EPS8: variants seen among roughly 807,000 people sequenced by gnomAD.
EPS8 encodes the protein EGFR pathway substrate 8, signaling adaptor.
A neutral mutation model predicts 103.8 loss-of-function variants in EPS8; 42 were observed. The observed-to-expected ratio is 0.40, with a 90% confidence interval of 0.32 to 0.52. The LOEUF (loss-of-function observed/expected upper bound fraction) is 0.52. EPS8 is among the 20% of genes least tolerant of loss of function. The pLI is 0.40. For missense variants in EPS8, 969 were observed against 1,005.1 expected (o/e 0.96, Z 0.49); for synonymous variants, 344 against 344.6 (o/e 1.00, Z 0.02).
At chr12:15,676,975 C>T (rs1263343933) in intron 3 of EPS8, among the ~76,000 whole-genome samples, 1 of 152,050 alleles carries the variant, frequency 6.6e-6, no homozygotes, top group African/African-American at 2.4e-5. Flanking sequence ...TACAATTATA[C>T]CACTTATAAA....
rs1377402640 is a variant in EPS8 at position 15,748,811 on chromosome 12, C to G, written c.-22+40350G>C. Among the ~76,000 whole-genome samples, 1 of 152,110 alleles carries G rather than the reference C, an allele frequency of 6.6e-6. No individual in the cohort carries two copies. The highest frequency in any genetic ancestry group is 1.5e-5 in the Non-Finnish European group (1 of 68,000). ...TATCCTCCTGAAAGGGCGAAAACAT[C>G]CATTGCCTAGCCCCGCCTCACCAAA... On this transcript the variant is annotated intron_variant, in intron 1 of 20. Transcript: ENST00000281172. This position sits in a 1 kb window ranked among gnomAD's most constrained non-coding sequence, Gnocchi z 4.8.
At chr12:15,782,210 G>A (rs777265381) in intron 1 of EPS8, 2 of 151,880 alleles carry the variant, frequency 1.3e-5, no homozygotes, top group Non-Finnish European at 2.9e-5. Flanking sequence ...AAAAACACTC[G>A]GGCTGGGTGT....
intron 1 of EPS8, among the ~76,000 whole-genome samples, chr12:15,730,052 G>C (rs1006617258): frequency 6.6e-6 from 1 of 152,142 alleles, no homozygotes; most frequent in Non-Finnish European, 1.5e-5. Context: ...AAATTCACCT[G>C]TGTAGCTTCT....
Position 15,700,908 on chromosome 12 carries a change from C to T in EPS8, c.-21-17936G>A, listed in dbSNP as rs1357685742. Among the ~76,000 whole-genome samples, 1 of 152,146 alleles carries T rather than the reference C, an allele frequency of 6.6e-6. No individual in the cohort carries two copies. The highest frequency in any genetic ancestry group is 6.5e-5 in the Admixed American group (1 of 15,278). On this transcript the variant is annotated intron_variant, in intron 1 of 20. Coordinates refer to ENST00000281172, the MANE Select transcript of EPS8 (RefSeq NM_004447.6). The surrounding 1 kb of genome is among the most constrained non-coding windows in gnomAD (Gnocchi z 5.1). ...AAGGACATATATTTTCTAAACCCAG[C>T]CAGGTTTCAAAGTAAAGAACATTTT...
Position 15,690,783 on chromosome 12 carries a change from G to C in EPS8, c.-21-7811C>G, listed in dbSNP as rs1263458283. On this transcript the variant is annotated intron_variant, in intron 1 of 20. Coordinates refer to ENST00000281172, the MANE Select transcript of EPS8 (RefSeq NM_004447.6). The surrounding 1 kb of genome is among the most constrained non-coding windows in gnomAD (Gnocchi z 4.7). The stretch of plus-strand genomic sequence containing the variant: ...AAGTTAAAACCCTCAATTCTTAACT[G>C]TTCCTTCTTCCTATTATCCTATGCC... Among the ~76,000 whole-genome samples the C allele has an allele frequency of 6.6e-6, 1 of 152,134 alleles. No homozygotes were observed. Among genetic ancestry groups the C allele is most frequent in the Admixed American group, 6.6e-5 (1 of 15,264 alleles).
At position 15,676,509 on chromosome 12, in the gene EPS8, C is replaced by T. The variant is rs79546704; in HGVS notation, c.136+4717G>A. Among the ~76,000 whole-genome samples, 196 of 152,222 alleles carry T rather than the reference C, an allele frequency of 1.3e-3. 4 individuals are homozygous for T. In the East Asian group the frequency reaches 0.035, roughly 27 times the overall value. On this transcript the variant is annotated intron_variant, in intron 3 of 20. Coordinates refer to ENST00000281172, the MANE Select transcript of EPS8 (RefSeq NM_004447.6). ...GGTAAGGAGTGCAGTCCCTGAGTTT[C>T]ACAGTGCATAAGCTAATGTGCATAT...
intron 1 of EPS8, among the ~76,000 whole-genome samples, chr12:15,753,046 A>C (rs1448108222): frequency 6.6e-6 from 1 of 151,756 alleles, no homozygotes; most frequent in African/African-American, 2.4e-5. Context: ...TTCAGAAATT[A>C]GGATATCTCT....
At position 15,717,994 on chromosome 12, in the gene EPS8, G is replaced by T. The variant is rs2135971516; in HGVS notation, c.-21-35022C>A. ...AAAGACAGCAAGAAACAAAAAAATTGGTGGAAAAAGTGATTTCTCATTTCC... is the reference window on the plus strand; with the variant it reads ...AAAGACAGCAAGAAACAAAAAAATTTGTGGAAAAAGTGATTTCTCATTTCC... On this transcript the variant is annotated intron_variant, in intron 1 of 20. Coordinates refer to ENST00000281172, the MANE Select transcript of EPS8 (RefSeq NM_004447.6). This position sits in a 1 kb window ranked among gnomAD's most constrained non-coding sequence, Gnocchi z 4.3. 6.6e-6 allele frequency among the ~76,000 whole-genome samples: 1 copy of T among 152,212 alleles called. No homozygotes were observed. Among genetic ancestry groups the T allele is most frequent in the African/African-American group, 2.4e-5 (1 of 41,524 alleles).
chr12:15,740,601 A>AAATG (rs1228617009), intron 1 of EPS8, among the ~76,000 whole-genome samples: 7 of 151,648 alleles, frequency 4.6e-5, no homozygotes, highest in Non-Finnish European at 8.8e-5. Flanking sequence ...ATAAATAAAT[A>AAATG]GGAAGTTCCT....
chr12:15,700,314 G>A lies in EPS8; in HGVS notation c.-21-17342C>T, dbSNP rs1371099385. On this transcript the variant is annotated intron_variant, in intron 1 of 20. Coordinates refer to ENST00000281172, the MANE Select transcript of EPS8 (RefSeq NM_004447.6). The surrounding 1 kb of genome is among the most constrained non-coding windows in gnomAD (Gnocchi z 5.1). ...TCTATCTTCTAAACAATTCTGAGGT[G>A]TGGCAAACTAGTACAGTCTTTTGCA... Among the ~76,000 whole-genome samples, 1 of 152,168 alleles carries A rather than the reference G, an allele frequency of 6.6e-6. No homozygotes were observed. Among genetic ancestry groups the A allele is most frequent in the Non-Finnish European group, 1.5e-5 (1 of 68,032 alleles).
chr12:15,720,951 ATC>A (rs1946588602), intron 1 of EPS8, among the ~76,000 whole-genome samples: 1 of 152,046 alleles, frequency 6.6e-6, no homozygotes, highest in South Asian at 2.1e-4. Flanking sequence ...TCTTGCATTA[ATC>A]TCTGTGTGCT....
chr12:15,773,486 T>TA (rs1947176007), intron 1 of EPS8, among the ~76,000 whole-genome samples: 1 of 151,676 alleles, frequency 6.6e-6, no homozygotes, highest in Non-Finnish European at 1.5e-5. Flanking sequence ...GGGAGATAGA[T>TA]ACATGAAATA....
intron 3 of EPS8, chr12:15,672,481 T>G (rs1039494441): frequency 1.5e-5 from 6 of 398,404 alleles, no homozygotes; most frequent in Non-Finnish European, 2.7e-5. Flanking sequence ...GATGATGACC[T>G]GAGGAAGTAT....
intron 1 of EPS8, among the ~76,000 whole-genome samples, chr12:15,766,621 T>C (rs1947101466): frequency 6.7e-6 from 1 of 148,940 alleles, no homozygotes. Flanking sequence ...GAGGTTGCAG[T>C]GAGCAGAGAT....
intron 18 of EPS8, among the ~76,000 whole-genome samples, chr12:15,630,461 A>G (rs1945025875): frequency 6.6e-6 from 1 of 152,228 alleles, no homozygotes; most frequent in African/African-American, 2.4e-5. Context: ...CTATTCACCA[A>G]TAATACAAAT....
Position 15,776,905 on chromosome 12 carries a change from T to C in EPS8, c.-22+12256A>G, listed in dbSNP as rs1947211819. 1.3e-5 allele frequency among the ~76,000 whole-genome samples: 2 copies of C among 152,240 alleles called. No homozygotes were observed. Among genetic ancestry groups the C allele is most frequent in the Non-Finnish European group, 2.9e-5 (2 of 68,042 alleles). On this transcript the variant is annotated intron_variant, in intron 1 of 20. Transcript: ENST00000281172. The surrounding 1 kb of genome is among the most constrained non-coding windows in gnomAD (Gnocchi z 4.2). Reference sequence around the variant, plus strand: ...ATATTTCCCAGTAATGATAGTTTGATTTTATCAATGCCTTTGAAAACCATA... The same window carrying C: ...ATATTTCCCAGTAATGATAGTTTGACTTTATCAATGCCTTTGAAAACCATA...
At chr12:15,666,634 G>A in intron 6 of EPS8, 112 bp from the exon 7 acceptor site, 1 of 694,708 alleles carries the variant, frequency 1.4e-6, no homozygotes, top group Non-Finnish European at 2.4e-6. Context: ...GTATCTTGAT[G>A]TAAAAAGTCT....
intron 1 of EPS8, among the ~76,000 whole-genome samples, chr12:15,715,394 CTTTTTT>C (rs3086457): frequency 7.9e-6 from 1 of 127,186 alleles, no homozygotes; most frequent in African/African-American, 3.0e-5. Flanking sequence ...CTTTACTTTT[CTTTTTT>C]TTTTTTTTTT....
chr12:15,673,749 T>C lies in EPS8; in HGVS notation c.137-2826A>G, dbSNP rs139187161. ...GTATATTAAATAATAAATTCATGAA[T>C]AAACATGGCAGTAGGGTTTTAGGTT... is the stretch of plus-strand genomic sequence containing the variant. On this transcript the variant is annotated intron_variant, in intron 3 of 20. Coordinates refer to ENST00000281172, the MANE Select transcript of EPS8 (RefSeq NM_004447.6). 8.4e-3 allele frequency among the ~76,000 whole-genome samples: 1,280 copies of C among 152,326 alleles called. 22 individuals are homozygous for C. Among genetic ancestry groups the C allele is most frequent in the African/African-American group, 0.03 (1,240 of 41,584 alleles).
Sources: gnomAD v4.1 joint callset for allele counts (sites outside exome capture counted in the v4.1 genomes callset) on GRCh38, gnomAD v4.1.1 for gene constraint, Gnocchi (gnomAD v3.1) non-coding constraint, MANE v1.5 for transcripts, NCBI Gene and HGNC (gene_info 2026-07-23, HGNC 2026-07-21) for gene names.